The following UTP23 variants were observed in gnomAD, a reference collection of about 807,000 sequenced individuals.
The protein encoded by UTP23 is UTP23 small subunit processome component.
In UTP23, 10 loss-of-function variants were observed where a neutral mutation model predicts 19.8. The observed-to-expected ratio is 0.50, with a 90% confidence interval of 0.31 to 0.86. The LOEUF (loss-of-function observed/expected upper bound fraction) is 0.86. UTP23 is among the 40% of genes least tolerant of loss of function. The pLI is 0.05. For synonymous variants in UTP23, 108 were observed against 105.4 expected (o/e 1.02, Z -0.15); for missense variants, 282 against 293.1 (o/e 0.96, Z 0.28).
chr8:116,771,310 C>T (rs1373388707), intron 2 of UTP23, 146 bp from the exon 3 acceptor site: 2 of 571,464 alleles, frequency 3.5e-6, no homozygotes, highest in Non-Finnish European at 5.5e-6. Context: ...TGAAATATAC[C>T]CCCATTACTC....
chr8:116,773,191 A>G lies in UTP23; in HGVS notation c.*1349A>G, dbSNP rs1331164200. 1.0e-6 allele frequency: 1 copy of G among 985,326 alleles called. No homozygotes were observed. The highest frequency in any genetic ancestry group is 1.2e-6 in the Non-Finnish European group (1 of 829,944). The allele number at this position is 985,326 out of a possible 1,614,324, so 61.0% of individuals were successfully genotyped here. On this transcript the variant is annotated 3_prime_UTR_variant, in exon 3 of 3. Transcript: ENST00000309822. ...GTCATGATTCTATTTTAAATTCTTG[A>G]TGGTAGAAACATTTTTAATAAGGAA...
rs1815698123 is a variant in UTP23 at position 116,774,461 on chromosome 8, A to G, written c.*2619A>G. The G allele has an allele frequency of 1.0e-6, 1 of 973,138 alleles. No homozygotes were observed. The highest frequency in any genetic ancestry group is 6.2e-5 in the Admixed American group (1 of 16,210). 60.3% of individuals were successfully genotyped at this position (973,138 alleles called of 1,614,324 possible). A position where few individuals can be genotyped will look rare whatever the true frequency, so the allele number is the denominator to read the frequency against. The stretch of plus-strand genomic sequence containing the variant: ...AAATGAATAGTTTGGAGTCTTTAAA[A>G]TGTTTTAAAAAATGTTTGCTTACTA... On this transcript the variant is annotated 3_prime_UTR_variant, in exon 3 of 3. Coordinates refer to ENST00000309822, the MANE Select transcript of UTP23 (RefSeq NM_032334.3).
chr8:116,772,531 A>T lies in UTP23; in HGVS notation c.*689A>T, dbSNP rs993464648. On this transcript the variant is annotated 3_prime_UTR_variant, in exon 3 of 3. Coordinates refer to ENST00000309822, the MANE Select transcript of UTP23 (RefSeq NM_032334.3). ...GTGAAATTTTGCCCATTTATACTGC[A>T]CCATTTTTCCAGTATATGAATATTT... 1 of 984,806 alleles carries T rather than the reference A, an allele frequency of 1.0e-6. No homozygotes were observed. Among genetic ancestry groups the T allele is most frequent in the Non-Finnish European group, 1.2e-6 (1 of 829,530 alleles). The allele number at this position is 984,806 out of a possible 1,614,324, so 61.0% of individuals were successfully genotyped here.
At chr8:116,766,950 A>C (rs1336656782) in intron 1 of UTP23, 159 bp downstream of exon 1, 1 of 686,882 alleles carries the variant, frequency 1.5e-6, no homozygotes, top group African/African-American at 1.8e-5. Context: ...GGTCAGGCGA[A>C]TACCTATAAT....
chr8:116,766,908 T>C (rs1815589590), intron 1 of UTP23, 117 bp downstream of exon 1: 2 of 1,029,702 alleles, frequency 1.9e-6, no homozygotes, highest in Non-Finnish European at 2.7e-6. Flanking sequence ...CCCGCCCACG[T>C]GGAGTTGACA....
In UTP23 at chr8:116,774,276, C is replaced by T. The variant is rs115244918; in HGVS notation, c.*2434C>T. 2,336 of 985,298 alleles carry T rather than the reference C, an allele frequency of 2.4e-3. 41 individuals carry two copies. The African/African-American group carries it at 0.035, about 15-fold the overall frequency. The allele number at this position is 985,298 out of a possible 1,614,324, so 61.0% of individuals were successfully genotyped here. A position where few individuals can be genotyped will look rare whatever the true frequency, so the allele number is the denominator to read the frequency against. ...TTACATTTTTATGGCCCTACAGCTA[C>T]TTCTTATCCCTGCAAGTATATAAAT... On this transcript the variant is annotated 3_prime_UTR_variant, in exon 3 of 3. Transcript: ENST00000309822.
Position 116,770,327 on chromosome 8 carries a change from T to G in UTP23, c.324T>G (p.Val108=). The G allele has an allele frequency of 6.2e-7, 1 of 1,613,646 alleles. No individual in the cohort carries two copies. The highest frequency in any genetic ancestry group is 8.5e-7 in the Non-Finnish European group (1 of 1,179,616). The change falls in exon 2 of 3, where the codon GTT becomes GTG. Residue 108 remains valine (V), a synonymous_variant. Coordinates refer to ENST00000309822, the MANE Select transcript of UTP23 (RefSeq NM_032334.3). Reference sequence around the variant, plus strand: ...GATCAGAATGTCTGCTTTCCATGGTTGAAGAGGGAAATCCTCATCATTATT... The same window carrying G: ...GATCAGAATGTCTGCTTTCCATGGTGGAAGAGGGAAATCCTCATCATTATT... ...VSGSECLLSM[V]EEGNPHHYFV...
chr8:116,766,592 G>C lies in UTP23; in HGVS notation c.-12G>C, dbSNP rs1326011276. Reference sequence around the variant, plus strand: ...TTCCTGGTCCGGTGGCCTCGGTCCCGGTAAGCCAGGCATGAAGATCACAAG... The same window carrying C: ...TTCCTGGTCCGGTGGCCTCGGTCCCCGTAAGCCAGGCATGAAGATCACAAG... On this transcript the variant is annotated 5_prime_UTR_variant, in exon 1 of 3. Transcript: ENST00000309822. 2 of 1,609,262 alleles carry C rather than the reference G, an allele frequency of 1.2e-6. No homozygotes were observed. Among genetic ancestry groups the C allele is most frequent in the African/African-American group, 1.3e-5 (1 of 74,982 alleles).
Position 116,773,440 on chromosome 8 carries a change from G to A in UTP23, c.*1598G>A. 1.0e-6 allele frequency: 1 copy of A among 981,944 alleles called. No individual in the cohort carries two copies. The allele number at this position is 981,944 out of a possible 1,614,324, so 60.8% of individuals were successfully genotyped here. On this transcript the variant is annotated 3_prime_UTR_variant, in exon 3 of 3. Coordinates refer to ENST00000309822, the MANE Select transcript of UTP23 (RefSeq NM_032334.3). ...ATCTGATTACCTGTTAATAGCATCT[G>A]AACTGGAGAGCTGGAAAAATCCACT...
In UTP23 at chr8:116,772,061, A is replaced by G. The variant is rs1815664645; in HGVS notation, c.*219A>G. 11 of 1,165,742 alleles carry G rather than the reference A, an allele frequency of 9.4e-6. No individual in the cohort carries two copies. The highest frequency in any genetic ancestry group is 1.2e-5 in the Non-Finnish European group (11 of 940,984). 72.2% of individuals were successfully genotyped at this position (1,165,742 alleles called of 1,614,324 possible). The stretch of plus-strand genomic sequence containing the variant: ...GCTGGGCATGATGGTGCACAGTTGT[A>G]ATTCCAGCTACTCAGGAGGCTGAGG... On this transcript the variant is annotated 3_prime_UTR_variant, in exon 3 of 3. Coordinates refer to ENST00000309822, the MANE Select transcript of UTP23 (RefSeq NM_032334.3).
intron 1 of UTP23, among the ~76,000 whole-genome samples, chr8:116,769,656 T>A (rs1223643225): frequency 6.6e-6 from 1 of 152,206 alleles, no homozygotes; most frequent in Non-Finnish European, 1.5e-5. Context: ...AAATGCTGGC[T>A]AGGGTTGAGG....
Position 116,774,419 on chromosome 8 carries a change from T to A in UTP23, c.*2577T>A. The A allele has an allele frequency of 1.0e-6, 1 of 984,188 alleles. No homozygotes were observed. The highest frequency in any genetic ancestry group is 1.2e-6 in the Non-Finnish European group (1 of 829,272). 61.0% of individuals were successfully genotyped at this position (984,188 alleles called of 1,614,324 possible). A position where few individuals can be genotyped will look rare whatever the true frequency, so the allele number is the denominator to read the frequency against. On this transcript the variant is annotated 3_prime_UTR_variant, in exon 3 of 3. Coordinates refer to ENST00000309822, the MANE Select transcript of UTP23 (RefSeq NM_032334.3). ...TGATTTGACAGGTTTAATTGCTAGT[T>A]TTTTATAGGTGGATAGAAATGAATA...
Position 116,771,540 on chromosome 8 carries a change from CCTT to C in UTP23, c.451_453del (p.Ser151del). ...TCAGAACACTATGGTTTTGGACAAA[CCTT>C]CTCCCAAAACAATTGCCTTTGTAAA... On this transcript the variant is annotated inframe_deletion, in exon 3 of 3. Transcript: ENST00000309822. 3 of 1,610,474 alleles carry C rather than the reference CCTT, an allele frequency of 1.9e-6. No homozygotes were observed. Among genetic ancestry groups the C allele is most frequent in the Middle Eastern group, 1.7e-4 (1 of 6,042 alleles).
Position 116,771,490 on chromosome 8 carries a change from C to T in UTP23, c.398C>T (p.Pro133Leu). 6.6e-7 allele frequency: 1 copy of T among 1,511,698 alleles called. No homozygotes were observed. Among genetic ancestry groups the T allele is most frequent in the East Asian group, 2.3e-5 (1 of 42,556 alleles). The allele number at this position is 1,511,698 out of a possible 1,614,324, so 93.6% of individuals were successfully genotyped here. Residue 133 changes from proline to leucine, a missense_variant, in exon 3 of 3, where the codon CCT (proline) becomes CTT (leucine). Pro to Leu is a moderately conservative substitution (Grantham distance 98, BLOSUM62 -3). Transcript: ENST00000309822. Reference protein sequence around the residue: ...QNLSVKVKKKPGVPLMFIIQN... With the variant: ...QNLSVKVKKKLGVPLMFIIQN... ...TTGTCTGTGAAAGTAAAAAAGAAGC[C>T]TGGAGTTCCTCTCATGTTTATTATT...
Position 116,772,214 on chromosome 8 carries a change from G to A in UTP23, c.*372G>A. ...AAATAAAAACAGTGAATGGGTGTAG[G>A]TGTGATGGAATTCACTTTACTTACT... On this transcript the variant is annotated 3_prime_UTR_variant, in exon 3 of 3. Transcript: ENST00000309822. 1.0e-6 allele frequency: 1 copy of A among 990,430 alleles called. No individual in the cohort carries two copies. Among genetic ancestry groups the A allele is most frequent in the Non-Finnish European group, 1.2e-6 (1 of 833,312 alleles). 61.4% of individuals were successfully genotyped at this position (990,430 alleles called of 1,614,324 possible).
Position 116,771,479 on chromosome 8 carries a change from A to T in UTP23, c.387A>T (p.Val129=), listed in dbSNP as rs968567987. 6.7e-7 allele frequency: 1 copy of T among 1,497,512 alleles called. No individual in the cohort carries two copies. Among genetic ancestry groups the T allele is most frequent in the Non-Finnish European group, 8.9e-7 (1 of 1,126,152 alleles). The allele number at this position is 1,497,512 out of a possible 1,614,324, so 92.8% of individuals were successfully genotyped here. The change falls in exon 3 of 3, where the codon GTA becomes GTT. Residue 129 remains valine (V), a synonymous_variant. Transcript: ENST00000309822. ...AGGATCAGAATTTGTCTGTGAAAGT[A>T]AAAAAGAAGCCTGGAGTTCCTCTCA... ...ATQDQNLSVK[V]KKKPGVPLMF...
rs1361949752 is a variant in UTP23, at chr8:116,771,589, T to C, written c.497T>C (p.Leu166Pro). The change falls in exon 3 of 3, where the codon CTT (leucine) becomes CCT (proline). Residue 166 changes from leucine (L) to proline (P), a missense_variant. By Grantham distance (98) the Leu-to-Pro change is moderately conservative. Coordinates refer to ENST00000309822, the MANE Select transcript of UTP23 (RefSeq NM_032334.3). ...AFVKAVESGQ[L>P]VSVHEKESIK... ...GTAAAAGCAGTGGAGTCAGGTCAGCTTGTCTCAGTGCATGAGAAAGAAAGT... is the reference window on the plus strand; with the variant it reads ...GTAAAAGCAGTGGAGTCAGGTCAGCCTGTCTCAGTGCATGAGAAAGAAAGT... The C allele has an allele frequency of 1.2e-6, 2 of 1,612,982 alleles. No homozygotes were observed. The highest frequency in any genetic ancestry group is 3.3e-5 in the Admixed American group (2 of 59,776).
In UTP23 at chr8:116,772,496, A is replaced by G. The variant is rs1309546670; in HGVS notation, c.*654A>G. On this transcript the variant is annotated 3_prime_UTR_variant, in exon 3 of 3. Coordinates refer to ENST00000309822, the MANE Select transcript of UTP23 (RefSeq NM_032334.3). ...TACATCAATTATTTATTGACTTCCT[A>G]CTAGAAAGAGTGAAATTTTGCCCAT... 1.0e-6 allele frequency: 1 copy of G among 979,260 alleles called. No individual in the cohort carries two copies. Among genetic ancestry groups the G allele is most frequent in the African/African-American group, 1.8e-5 (1 of 57,076 alleles). The allele number at this position is 979,260 out of a possible 1,614,324, so 60.7% of individuals were successfully genotyped here.
rs780798530 is a variant in UTP23, at chr8:116,766,714, G to T, written c.111G>T (p.Ala37=). The change falls in exon 1 of 3, where the codon GCG becomes GCT. Residue 37 remains alanine, a synonymous_variant. Transcript: ENST00000309822. ...TGCTGGACGGCACCTTCTGTCAGGC[G>T]GCGCTGCGGGGCCGCATCCAGCTGC... is the stretch of plus-strand genomic sequence containing the variant. The part of the protein sequence containing the change: ...QILLDGTFCQ[A]ALRGRIQLRE... 6.2e-7 allele frequency: 1 copy of T among 1,611,110 alleles called. No individual in the cohort carries two copies. Among genetic ancestry groups the T allele is most frequent in the Admixed American group, 1.7e-5 (1 of 59,544 alleles).
Sources: gnomAD v4.1 joint callset for allele counts (sites outside exome capture counted in the v4.1 genomes callset) on GRCh38, gnomAD v4.1.1 for gene constraint, MANE v1.5 for transcripts, NCBI Gene and HGNC (gene_info 2026-07-23, HGNC 2026-07-21) for gene names.